The following CDADC1 variants were observed in gnomAD, a reference collection of about 807,000 sequenced individuals.
CDADC1 encodes the protein cytidine and dCMP deaminase domain containing 1.
A neutral mutation model predicts 54.9 loss-of-function variants in CDADC1; 39 were observed. The ratio of observed to expected loss-of-function variants is 0.71; its 90% CI spans 0.55 to 0.93. The LOEUF (loss-of-function observed/expected upper bound fraction) is 0.93. CDADC1 is among the 40% of genes least tolerant of loss of function. CDADC1 has a pLI of 0.00. For missense variants in CDADC1, 518 were observed against 618.8 expected (o/e 0.84, Z 1.73); for synonymous variants, 186 against 204.0 (o/e 0.91, Z 0.75).
At chr13:49,283,899 G>C (rs1244637216) in intron 8 of CDADC1, among the ~76,000 whole-genome samples, 1 of 152,162 alleles carries the variant, frequency 6.6e-6, no homozygotes, top group African/African-American at 2.4e-5. Context: ...ACCTAGTTTT[G>C]TAAATGCAAG....
At chr13:49,291,459 A>G (rs1486275056) in intron 9 of CDADC1, among the ~76,000 whole-genome samples, 1 of 152,124 alleles carries the variant, frequency 6.6e-6, no homozygotes, top group Non-Finnish European at 1.5e-5. Context: ...GACGTGAGCC[A>G]TTGCACCCGG....
chr13:49,259,268 TTAATAA>T (rs1952614852), intron 3 of CDADC1, 72 bp from the exon 4 acceptor site: 1 of 994,878 alleles, frequency 1.0e-6, no homozygotes, highest in African/African-American at 1.7e-5. Flanking sequence ...TCCATTTTTA[TTAATAA>T]TTCAAGTATA....
At chr13:49,288,005 A>G (rs1953573007) in intron 9 of CDADC1, among the ~76,000 whole-genome samples, 1 of 151,798 alleles carries the variant, frequency 6.6e-6, no homozygotes, top group Admixed American at 6.6e-5. Context: ...TCACTACAAG[A>G]GTGCAAAGGC....
In CDADC1 at chr13:49,291,932, G is replaced by A. The variant is rs1953718783; in HGVS notation, c.*175G>A. Reference sequence around the variant, plus strand: ...TGTTAATAAGAATATTTGTCTTTTAGATTTATGTGTGGGTTTTCCATAATG... The same window carrying A: ...TGTTAATAAGAATATTTGTCTTTTAAATTTATGTGTGGGTTTTCCATAATG... On this transcript the variant is annotated 3_prime_UTR_variant, in exon 10 of 10. Coordinates refer to ENST00000251108, the MANE Select transcript of CDADC1 (RefSeq NM_030911.4). The A allele has an allele frequency of 7.3e-7, 1 of 1,376,952 alleles. No individual in the cohort carries two copies. 85.3% of individuals were successfully genotyped at this position (1,376,952 alleles called of 1,614,324 possible).
intron 7 of CDADC1, among the ~76,000 whole-genome samples, chr13:49,279,197 CT>C (rs1953240080): frequency 1.3e-5 from 2 of 152,174 alleles, no homozygotes; most frequent in South Asian, 4.1e-4. Flanking sequence ...GACATGACTC[CT>C]GTCCTTGGAG....
At position 49,292,054 on chromosome 13, in the gene CDADC1, A is replaced by G. The variant is rs1008681616; in HGVS notation, c.*297A>G. 3 of 1,109,800 alleles carry G rather than the reference A, an allele frequency of 2.7e-6. No individual in the cohort carries two copies. Among genetic ancestry groups the G allele is most frequent in the Non-Finnish European group, 3.3e-6 (3 of 906,584 alleles). 68.7% of individuals were successfully genotyped at this position (1,109,800 alleles called of 1,614,324 possible). On this transcript the variant is annotated 3_prime_UTR_variant, in exon 10 of 10. Coordinates refer to ENST00000251108, the MANE Select transcript of CDADC1 (RefSeq NM_030911.4). ...TGATTTCTATTTATCTTGACTTTAT[A>G]TTAGCCAATTTGAAAGGGTCTGCTT...
In CDADC1 at chr13:49,291,856, T is replaced by TA; in HGVS notation, c.*101dup. The TA allele has an allele frequency of 1.3e-6, 2 of 1,485,480 alleles. No homozygotes were observed. Among genetic ancestry groups the TA allele is most frequent in the Non-Finnish European group, 1.8e-6 (2 of 1,116,348 alleles). 92.0% of individuals were successfully genotyped at this position (1,485,480 alleles called of 1,614,324 possible). A position where few individuals can be genotyped will look rare whatever the true frequency, so the allele number is the denominator to read the frequency against. ...AGAAAATAAGGATGGATTTTGTGAA[T>TA]AATTGAAAAGATTTTTTAAGGAAGC... On this transcript the variant is annotated 3_prime_UTR_variant, in exon 10 of 10. Coordinates refer to ENST00000251108, the MANE Select transcript of CDADC1 (RefSeq NM_030911.4).
At chr13:49,286,683 A>C (rs1953523273) in intron 9 of CDADC1, among the ~76,000 whole-genome samples, 9 of 152,218 alleles carry the variant, frequency 5.9e-5, no homozygotes, top group Admixed American at 5.9e-4. Flanking sequence ...TTCTAGAGTA[A>C]ACCCACATTT....
rs74892291 is a variant in CDADC1 at position 49,253,765 on chromosome 13, G to A, written c.178-2074G>A. ...TCTTGCCATGTTGCCCAGACTGGTC[G>A]CTAACTCCTGGGCTCAAGCAGTCCA... On this transcript the variant is annotated intron_variant, in intron 2 of 9. Coordinates refer to ENST00000251108, the MANE Select transcript of CDADC1 (RefSeq NM_030911.4). Among the ~76,000 whole-genome samples the A allele has an allele frequency of 2.0e-3, 303 of 152,080 alleles. 1 individual carries two copies. Among genetic ancestry groups the A allele is most frequent in the African/African-American group, 7.0e-3 (289 of 41,490 alleles).
At chr13:49,270,889 A>G (rs1258998936) in intron 5 of CDADC1, among the ~76,000 whole-genome samples, 1 of 152,234 alleles carries the variant, frequency 6.6e-6, no homozygotes, top group East Asian at 1.9e-4. Flanking sequence ...GGATATCCCT[A>G]TGATACAGTG....
chr13:49,254,126 T>A (rs1369998481), intron 2 of CDADC1, among the ~76,000 whole-genome samples: 1 of 152,194 alleles, frequency 6.6e-6, no homozygotes, highest in Non-Finnish European at 1.5e-5. Context: ...ATGCAGTAGA[T>A]GTTAGGTACT....
chr13:49,248,257 C>A, intron 1 of CDADC1, 138 bp downstream of exon 1: 2 of 728,554 alleles, frequency 2.7e-6, no homozygotes, highest in Non-Finnish European at 4.5e-6. Context: ...CCGCCCTCTG[C>A]GTGTCCCCTC....
At chr13:49,277,396 A>C (rs1953177726) in intron 6 of CDADC1, among the ~76,000 whole-genome samples, 1 of 152,158 alleles carries the variant, frequency 6.6e-6, no homozygotes, top group African/African-American at 2.4e-5. Context: ...ACTTGAGCCC[A>C]GGAAGTCAAA....
At chr13:49,251,891 C>T (rs2407521) in intron 2 of CDADC1, among the ~76,000 whole-genome samples, 92,504 of 152,082 alleles carry the variant, frequency 0.61, 29,401 homozygotes, top group South Asian at 0.76. Context: ...TTCCTGGCAT[C>T]TCATTCCTTC....
intron 2 of CDADC1, among the ~76,000 whole-genome samples, chr13:49,249,167 A>G (rs1952365519): frequency 6.6e-6 from 1 of 152,216 alleles, no homozygotes; most frequent in African/African-American, 2.4e-5. Context: ...TGAGAATACC[A>G]TGTTTATCGG....
intron 8 of CDADC1, among the ~76,000 whole-genome samples, chr13:49,283,319 T>G (rs1228210446): frequency 6.6e-6 from 1 of 152,184 alleles, no homozygotes; most frequent in East Asian, 1.9e-4. Context: ...ATTTAAAGTT[T>G]ATCACATTTT....
intron 6 of CDADC1, among the ~76,000 whole-genome samples, chr13:49,277,307 C>T (rs1953173371): frequency 6.6e-6 from 1 of 151,462 alleles, no homozygotes; most frequent in Non-Finnish European, 1.5e-5. Flanking sequence ...CCCGTTGCTA[C>T]AAAAAAAGAA....
At chr13:49,275,377 T>C (rs1275270553) in intron 6 of CDADC1, among the ~76,000 whole-genome samples, 2 of 151,352 alleles carry the variant, frequency 1.3e-5, no homozygotes, top group Non-Finnish European at 2.9e-5. Context: ...TGAGCCACCA[T>C]GCCTGCCCTG....
At chr13:49,262,409 A>G (rs988182864) in intron 4 of CDADC1, among the ~76,000 whole-genome samples, 3 of 152,136 alleles carry the variant, frequency 2.0e-5, no homozygotes, top group African/African-American at 7.2e-5. Context: ...TGCCTCACCA[A>G]TGCACTCCAG....
Sources: gnomAD v4.1 joint callset for allele counts (sites outside exome capture counted in the v4.1 genomes callset) on GRCh38, gnomAD v4.1.1 for gene constraint, MANE v1.5 for transcripts, NCBI Gene and HGNC (gene_info 2026-07-23, HGNC 2026-07-21) for gene names.